The following CDK8 variants were observed in gnomAD, a reference collection of about 807,000 sequenced individuals.
The protein encoded by CDK8 is cyclin dependent kinase 8, also known as cyclin-dependent kinase 8.
In CDK8, 29 loss-of-function variants were observed where a neutral mutation model predicts 71.5. The ratio of observed to expected loss-of-function variants is 0.41; its 90% confidence interval spans 0.30 to 0.55. The LOEUF (loss-of-function observed/expected upper bound fraction) is 0.55. CDK8 is among the 20% of genes least tolerant of loss of function. CDK8 has a pLI of 0.37. For synonymous variants in CDK8, 161 were observed against 192.1 expected (o/e 0.84, Z 1.34); for missense variants, 288 against 572.6 (o/e 0.50, Z 5.07).
At chr13:26,269,396 G>A (rs1055841050) in intron 1 of CDK8, among the ~76,000 whole-genome samples, 4 of 152,170 alleles carry the variant, frequency 2.6e-5, no homozygotes, top group Non-Finnish European at 5.9e-5. Context: ...GCTGAAAGTC[G>A]ATATTGTCAG....
intron 1 of CDK8, among the ~76,000 whole-genome samples, chr13:26,318,967 A>G (rs1874635787): frequency 6.6e-6 from 1 of 152,218 alleles, no homozygotes; most frequent in Non-Finnish European, 1.5e-5. Flanking sequence ...AGTCAGAGCA[A>G]TTAAGCAAGT....
At chr13:26,268,745 A>T (rs1872157708) in intron 1 of CDK8, among the ~76,000 whole-genome samples, 1 of 152,166 alleles carries the variant, frequency 6.6e-6, no homozygotes, top group Admixed American at 6.5e-5. Flanking sequence ...TACTTTCATC[A>T]GATTTCTCTA....
chr13:26,393,140 C>T (rs979733598), intron 6 of CDK8, among the ~76,000 whole-genome samples: 6 of 151,944 alleles, frequency 3.9e-5, no homozygotes, highest in Middle Eastern at 3.4e-3. Flanking sequence ...AATGAAAAAT[C>T]GGGGTGGAGG....
chr13:26,330,028 ACTT>A (rs1451630819), intron 1 of CDK8, among the ~76,000 whole-genome samples: 1 of 151,804 alleles, frequency 6.6e-6, no homozygotes, highest in Non-Finnish European at 1.5e-5. Context: ...TTCCTGACAA[ACTT>A]CTTAAGTCTT....
chr13:26,304,508 T>G (rs1046338031), intron 1 of CDK8, among the ~76,000 whole-genome samples: 13 of 152,148 alleles, frequency 8.5e-5, no homozygotes, highest in Admixed American at 3.9e-4. Context: ...TGCTACTCCT[T>G]TAGTGGTTTT....
At chr13:26,284,712 T>A (rs1087062) in intron 1 of CDK8, among the ~76,000 whole-genome samples, 1 of 152,106 alleles carries the variant, frequency 6.6e-6, no homozygotes, top group Admixed American at 6.5e-5. Flanking sequence ...TGGTATCAGT[T>A]TTACTAAAAC....
intron 1 of CDK8, among the ~76,000 whole-genome samples, chr13:26,308,345 A>G (rs1404541813): frequency 1.3e-5 from 2 of 152,204 alleles, no homozygotes; most frequent in African/African-American, 2.4e-5. Flanking sequence ...GTAGACACCA[A>G]AGTCCTCTTA....
At chr13:26,263,168 C>G (rs1013886646) in intron 1 of CDK8, among the ~76,000 whole-genome samples, 3 of 152,046 alleles carry the variant, frequency 2.0e-5, no homozygotes, top group African/African-American at 7.2e-5. Context: ...CGGAGTCTCG[C>G]TCTGTTGCCC....
intron 1 of CDK8, among the ~76,000 whole-genome samples, chr13:26,299,454 A>C (rs139226447): frequency 6.6e-6 from 1 of 152,176 alleles, no homozygotes; most frequent in Non-Finnish European, 1.5e-5. Context: ...TACTGTGTAC[A>C]TGGTGCTGTC....
rs1410941089 is a variant in CDK8, at chr13:26,337,617, CTA to C, written c.181_182del (p.Met61ValfsTer4). On this transcript the variant is annotated frameshift_variant, in exon 2 of 13. Coordinates refer to ENST00000381527, the MANE Select transcript of CDK8 (RefSeq NM_001260.3). LOFTEE classifies it high-confidence loss of function. Reference sequence around the variant, plus strand: ...AAACAAATAGAAGGAACTGGGATCTCTATGTCGGCATGTAGAGAAATAGCAGT... The same window carrying C: ...AAACAAATAGAAGGAACTGGGATCTCTGTCGGCATGTAGAGAAATAGCAGT... 2 of 1,451,552 alleles carry C rather than the reference CTA, an allele frequency of 1.4e-6. No homozygotes were observed. Among genetic ancestry groups the C allele is most frequent in the Middle Eastern group, 1.8e-4 (1 of 5,444 alleles). 89.9% of individuals were successfully genotyped at this position (1,451,552 alleles called of 1,614,324 possible). A position where few individuals can be genotyped will look rare whatever the true frequency, so the allele number is the denominator to read the frequency against.
intron 1 of CDK8, among the ~76,000 whole-genome samples, chr13:26,289,254 C>T (rs1873181145): frequency 6.6e-6 from 1 of 151,518 alleles, no homozygotes; most frequent in Admixed American, 6.6e-5. Context: ...GGAGTTTCAC[C>T]ATGTTGGCCA....
Position 26,318,015 on chromosome 13 carries a change from A to G in CDK8, c.129-19552A>G, listed in dbSNP as rs1003434855. ...GTTTGGTTCTTTGAAAAGATCAACA[A>G]AGTTGGCAAACCTTTAGCTAGGTGG... On this transcript the variant is annotated intron_variant, in intron 1 of 12. Transcript: ENST00000381527. Among the ~76,000 whole-genome samples the G allele has an allele frequency of 2.0e-4, 31 of 152,080 alleles. 1 individual carries two copies. The highest frequency in any genetic ancestry group is 7.5e-4 in the African/African-American group (31 of 41,446).
chr13:26,361,783 C>CTTTTTTTTTTTTTTTTTTTT (rs1201582663), intron 4 of CDK8, among the ~76,000 whole-genome samples: 1 of 112,226 alleles, frequency 8.9e-6, no homozygotes, highest in Non-Finnish European at 1.7e-5. Flanking sequence ...TTTTCTTTTC[C>CTTTTTTTTTTTTTTTTTTTT]CTTTTTTTTT....
intron 4 of CDK8, among the ~76,000 whole-genome samples, chr13:26,373,844 A>G (rs905421125): frequency 1.2e-4 from 18 of 151,950 alleles, no homozygotes; most frequent in Non-Finnish European, 4.4e-5. Context: ...CTAGAGGGGA[A>G]AAGAGATAGT....
intron 4 of CDK8, among the ~76,000 whole-genome samples, chr13:26,356,166 G>A (rs1453824280): frequency 6.6e-6 from 1 of 151,992 alleles, no homozygotes; most frequent in Non-Finnish European, 1.5e-5. Context: ...CCCTAATATA[G>A]GCAACAAGGG....
intron 1 of CDK8, among the ~76,000 whole-genome samples, chr13:26,264,893 G>T (rs1454827751): frequency 6.6e-6 from 1 of 152,130 alleles, no homozygotes; most frequent in Non-Finnish European, 1.5e-5. Flanking sequence ...TCACGTTGCT[G>T]CAAATGATAT....
chr13:26,334,560 T>C (rs1259753308), intron 1 of CDK8, among the ~76,000 whole-genome samples: 3 of 152,210 alleles, frequency 2.0e-5, no homozygotes, highest in Admixed American at 6.5e-5. Flanking sequence ...TTACTAGATA[T>C]ATGCTGTAAA....
chr13:26,267,091 C>T (rs764310838), intron 1 of CDK8, among the ~76,000 whole-genome samples: 17 of 152,134 alleles, frequency 1.1e-4, no homozygotes, highest in Admixed American at 6.6e-4. Context: ...TGTTGGTAAA[C>T]GTAGCTCTAA....
At chr13:26,304,751 C>T (rs913627105) in intron 1 of CDK8, among the ~76,000 whole-genome samples, 2 of 152,040 alleles carry the variant, frequency 1.3e-5, no homozygotes, top group Non-Finnish European at 2.9e-5. Flanking sequence ...GTTCTCCTGC[C>T]TCAGCCTCCC....
Sources: allele counts gnomAD v4.1 joint callset (sites outside exome capture counted in the v4.1 genomes callset), GRCh38; gene constraint gnomAD v4.1.1; transcripts MANE v1.5; gene names NCBI Gene and HGNC (gene_info 2026-07-23, HGNC 2026-07-21).